The following IAH1 variants were observed in gnomAD, a reference collection of about 807,000 sequenced individuals.
IAH1 encodes the protein isoamyl acetate hydrolyzing esterase 1 (putative).
In IAH1, 24 loss-of-function variants were observed where a neutral mutation model predicts 26.7. That is an observed-to-expected ratio of 0.90 (90% confidence interval 0.65 to 1.26). The LOEUF is 1.26. Among genes scored for constraint, IAH1 ranks in the 50% most tolerant of loss-of-function variants. The pLI, the probability that IAH1 is intolerant of heterozygous loss-of-function variation, is 0.00. For synonymous variants in IAH1, 140 were observed against 118.5 expected (o/e 1.18, Z -1.18); for missense variants, 300 against 299.9 (o/e 1.00, Z 0.00).
intron 2 of IAH1, among the ~76,000 whole-genome samples, chr2:9,477,323 A>G (rs1660866978): frequency 6.6e-6 from 1 of 152,114 alleles, no homozygotes; most frequent in Admixed American, 6.5e-5. Flanking sequence ...CAGCAAAATG[A>G]ACCATATTGA....
chr2:9,499,638 GT>G (rs1477890095), downstream of IAH1, among the ~76,000 whole-genome samples: 2 of 152,082 alleles, frequency 1.3e-5, no homozygotes, highest in Admixed American at 1.3e-4. Context: ...TCCTGATCTC[GT>G]GATCTGCCCA....
At chr2:9,493,191 C>G (rs1274816831), downstream of IAH1, among the ~76,000 whole-genome samples, 1 of 152,124 alleles carries the variant, frequency 6.6e-6, no homozygotes, top group African/African-American at 2.4e-5. Context: ...CATATACTGG[C>G]TGACAGGAAG....
chr2:9,506,577 G>C, the IAH1 span, among the ~76,000 whole-genome samples: 1 of 151,840 alleles, frequency 6.6e-6, no homozygotes, highest in South Asian at 2.1e-4. Flanking sequence ...ATGTTGACCA[G>C]GATGGTCTCG....
chr2:9,490,810 A>C (rs1662072029), downstream of IAH1, among the ~76,000 whole-genome samples: 1 of 152,236 alleles, frequency 6.6e-6, no homozygotes. Context: ...TCTCAAGGTA[A>C]GATCCCAAGA....
At chr2:9,505,928 A>C in the IAH1 span, among the ~76,000 whole-genome samples, 1 of 152,146 alleles carries the variant, frequency 6.6e-6, no homozygotes, top group Non-Finnish European at 1.5e-5. Flanking sequence ...TTAAATCCCC[A>C]ATTGTTACCT....
the IAH1 span, among the ~76,000 whole-genome samples, chr2:9,501,576 A>G: frequency 6.6e-6 from 1 of 152,232 alleles, no homozygotes; most frequent in Non-Finnish European, 1.5e-5. Flanking sequence ...TAACTAAACA[A>G]TATGTAGGTG....
chr2:9,490,256 G>A (rs747645870), downstream of IAH1: 67 of 1,612,606 alleles, frequency 4.2e-5, no homozygotes, highest in East Asian at 2.9e-4. Flanking sequence ...TCTGGTGACC[G>A]GATGGTCCGT....
chr2:9,484,426 C>T lies in IAH1; in HGVS notation c.446-6C>T. On this transcript the variant is annotated splice_region_variant and splice_polypyrimidine_tract_variant and intron_variant, in intron 4 of 5. Coordinates refer to ENST00000497473, the MANE Select transcript of IAH1 (RefSeq NM_001039613.3). Reference sequence around the variant, plus strand: ...AACTGCCACCTCTATTTCTTCTCTTCAATAGGTTGCAAACTAAATCGCCTG... The same window carrying T: ...AACTGCCACCTCTATTTCTTCTCTTTAATAGGTTGCAAACTAAATCGCCTG... 1 of 1,610,066 alleles carries T rather than the reference C, an allele frequency of 6.2e-7. No individual in the cohort carries two copies. Among genetic ancestry groups the T allele is most frequent in the African/African-American group, 1.3e-5 (1 of 74,980 alleles).
Position 9,488,502 on chromosome 2 carries a change from T to G in IAH1, c.*173T>G. 2.0e-6 allele frequency: 1 copy of G among 493,924 alleles called. No homozygotes were observed. The highest frequency in any genetic ancestry group is 3.5e-6 in the Non-Finnish European group (1 of 285,590). The allele number at this position is 493,924 out of a possible 1,614,324, so 30.6% of individuals were successfully genotyped here. ...TTAGGTCCATTGTGTTTCGACAGTA[T>G]TTATTAATGCAGATATCAGTGCTAC... On this transcript the variant is annotated 3_prime_UTR_variant, in exon 6 of 6. Transcript: ENST00000497473.
At chr2:9,490,641 T>G (rs1312097960), downstream of IAH1, 3 of 1,072,502 alleles carry the variant, frequency 2.8e-6, no homozygotes, top group Admixed American at 8.6e-5. Context: ...AAGAAAAAAG[T>G]GCTAGGTGAG....
At chr2:9,499,190 A>G (rs1257417247), downstream of IAH1, among the ~76,000 whole-genome samples, 2 of 144,938 alleles carry the variant, frequency 1.4e-5, no homozygotes, top group Non-Finnish European at 3.0e-5. Context: ...TCAGGAACTT[A>G]TCCTCTGCTA....
At chr2:9,474,390 G>A, upstream of IAH1, 1 of 432,268 alleles carries the variant, frequency 2.3e-6, no homozygotes, top group Non-Finnish European at 4.1e-6. The surrounding 1 kb of genome is among the most constrained non-coding windows in gnomAD (Gnocchi z 4.3). Flanking sequence ...CTTGCTGTGG[G>A]TGAGCAAGCG....
downstream of IAH1, among the ~76,000 whole-genome samples, chr2:9,498,843 C>G (rs1357729261): frequency 1.3e-5 from 2 of 152,184 alleles, no homozygotes; most frequent in Non-Finnish European, 2.9e-5. Flanking sequence ...TGTTGAGCAT[C>G]TGTTCTTAAA....
In IAH1 at chr2:9,488,256, T is replaced by TGCTGCTTCCTTACTGGCGGGA. The variant is rs764970934; in HGVS notation, c.675_695dup (p.Arg231_Asp232insGluLeuLeuProTyrTrpArg). 2.2e-5 allele frequency: 36 copies of TGCTGCTTCCTTACTGGCGGGA among 1,613,676 alleles called. No homozygotes were observed. Among genetic ancestry groups the TGCTGCTTCCTTACTGGCGGGA allele is most frequent in the Admixed American group, 3.3e-5 (2 of 59,824 alleles). ...GAGAAAAAGGTCTCTTCTCTACCTT[T>TGCTGCTTCCTTACTGGCGGGA]GCTGCTTCCTTACTGGCGGGATGTA... On this transcript the variant is annotated inframe_insertion, in exon 6 of 6. Coordinates refer to ENST00000497473, the MANE Select transcript of IAH1 (RefSeq NM_001039613.3).
At chr2:9,484,321 G>A in intron 4 of IAH1, 111 bp from the exon 5 acceptor site, 1 of 847,336 alleles carries the variant, frequency 1.2e-6, no homozygotes, top group Non-Finnish European at 2.0e-6. Flanking sequence ...GGCCCAAGTG[G>A]GGTCAATATT....
downstream of IAH1, chr2:9,490,669 G>A: frequency 1.2e-6 from 1 of 806,264 alleles, no homozygotes; most frequent in Non-Finnish European, 1.9e-6. Flanking sequence ...CAACCTAAGT[G>A]ACTAAAAAAT....
chr2:9,489,875 A>G (rs972381311), downstream of IAH1: 2 of 263,600 alleles, frequency 7.6e-6, no homozygotes, highest in African/African-American at 4.3e-5. Context: ...TTAATTTACA[A>G]AAACGTAAAT....
intron 4 of IAH1, among the ~76,000 whole-genome samples, 175 bp from the exon 5 acceptor site, chr2:9,484,257 C>G (rs956763407): frequency 2.6e-5 from 4 of 152,220 alleles, no homozygotes; most frequent in Admixed American, 2.6e-4. Flanking sequence ...CTGGGTAGAG[C>G]AGCACACCAG....
chr2:9,474,750 T>C lies in IAH1; in HGVS notation c.81+103T>C. On this transcript the variant is annotated intron_variant, in intron 1 of 5. Transcript: ENST00000497473. The surrounding 1 kb of genome is among the most constrained non-coding windows in gnomAD (Gnocchi z 4.3). ...CGTCCTCTTCGGCGCCCGAGACGGC[T>C]GGGCCGGAGGCCTGGCCACGCCCGT... is the stretch of plus-strand genomic sequence containing the variant. 2.2e-6 allele frequency: 2 copies of C among 896,000 alleles called. No homozygotes were observed. The highest frequency in any genetic ancestry group is 1.8e-5 in the South Asian group (1 of 55,612). 55.5% of individuals were successfully genotyped at this position (896,000 alleles called of 1,614,324 possible).
Sources: gnomAD v4.1 joint callset for allele counts (sites outside exome capture counted in the v4.1 genomes callset) on GRCh38, gnomAD v4.1.1 for gene constraint, Gnocchi (gnomAD v3.1) non-coding constraint, MANE v1.5 for transcripts, NCBI Gene and HGNC (gene_info 2026-07-23, HGNC 2026-07-21) for gene names.